PEBP1: variants seen among roughly 807,000 people sequenced by gnomAD.
The protein encoded by PEBP1 is phosphatidylethanolamine-binding protein 1.
Under a neutral mutation model 22.7 loss-of-function variants are expected in PEBP1, and 17 were observed. That is an observed-to-expected ratio of 0.75 (90% confidence interval 0.51 to 1.12). The LOEUF is 1.12. Among genes scored for constraint, PEBP1 ranks in the 50% most tolerant of loss-of-function variants. PEBP1 has a pLI of 0.00. For synonymous variants in PEBP1, 106 were observed against 104.3 expected (o/e 1.02, Z -0.10); for missense variants, 205 against 243.5 (o/e 0.84, Z 1.05).
At chr12:118,144,042 T>C (rs1376957330) in intron 3 of PEBP1, among the ~76,000 whole-genome samples, 2 of 152,218 alleles carry the variant, frequency 1.3e-5, no homozygotes. Flanking sequence ...CCTCCAGTTT[T>C]CTAAGCAAGT....
In PEBP1 at chr12:118,138,064, C is replaced by T. The variant is rs373019765; in HGVS notation, c.161C>T (p.Ser54Leu). The T allele has an allele frequency of 5.0e-5, 80 of 1,613,188 alleles. No individual in the cohort carries two copies. The highest frequency in any genetic ancestry group is 2.7e-4 in the African/African-American group (20 of 74,854). The change falls in exon 2 of 4, where the codon TCG (serine) becomes TTG (leucine). Residue 54 changes from serine (S) to leucine (L), a missense_variant. Physicochemically the swap from Ser to Leu is moderately radical, Grantham distance 145. Transcript: ENST00000261313. ...TQVKNRPTSI[S>L]WDGLDSGKLY... ...GTTAAGAATAGACCCACCAGCATTT[C>T]GTGGGATGGTCTTGATTCAGGGAAG...
chr12:118,137,946 C>T (rs1016112613), intron 1 of PEBP1, 93 bp from the exon 2 acceptor site: 3 of 827,588 alleles, frequency 3.6e-6, no homozygotes, highest in Admixed American at 2.0e-5. Flanking sequence ...CTAGGCCTCC[C>T]AAAGTGCTGG....
chr12:118,139,491 G>A lies in PEBP1; in HGVS notation c.286G>A (p.Asp96Asn), dbSNP rs2034096191. 1 of 1,613,320 alleles carries A rather than the reference G, an allele frequency of 6.2e-7. No homozygotes were observed. The highest frequency in any genetic ancestry group is 8.5e-7 in the Non-Finnish European group (1 of 1,179,774). Residue 96 changes from aspartate to asparagine, a missense_variant, in exon 3 of 4, where the codon GAC becomes AAC. Asp to Asn is a conservative substitution (Grantham distance 23). Transcript: ENST00000261313. ...HFLVVNMKGN[D>N]ISSGTVLSDY... ...CCTGGTGGTCAACATGAAGGGCAAT[G>A]ACATCAGCAGTGGCACAGTCCTCTC...
Position 118,145,082 on chromosome 12 carries a change from C to A in PEBP1, c.*279C>A. On this transcript the variant is annotated 3_prime_UTR_variant, in exon 4 of 4. Transcript: ENST00000261313. ...AATTATTAATCTGAAAATAGCAACCCAGAATGTAAAAAAGAAAAAACTGGG... is the reference window on the plus strand; with the variant it reads ...AATTATTAATCTGAAAATAGCAACCAAGAATGTAAAAAAGAAAAAACTGGG... 1 of 1,232,194 alleles carries A rather than the reference C, an allele frequency of 8.1e-7. No individual in the cohort carries two copies. Among genetic ancestry groups the A allele is most frequent in the Non-Finnish European group, 1.1e-6 (1 of 921,954 alleles). 76.3% of individuals were successfully genotyped at this position (1,232,194 alleles called of 1,614,324 possible).
Position 118,144,702 on chromosome 12 carries a change from C to T in PEBP1, c.463C>T (p.Arg155Cys), listed in dbSNP as rs11554101. 6.8e-6 allele frequency: 11 copies of T among 1,613,962 alleles called. No individual in the cohort carries two copies. The highest frequency in any genetic ancestry group is 3.3e-5 in the South Asian group (3 of 91,088). Residue 155 changes from arginine (R) to cysteine (C), a missense_variant, in exon 4 of 4, where the codon CGT (arginine) becomes TGT (cysteine). Coordinates refer to ENST00000261313, the MANE Select transcript of PEBP1 (RefSeq NM_002567.4). ...HRGKFKVASF[R>C]KKYELRAPVA... Reference sequence around the variant, plus strand: ...TGGCAAATTCAAGGTGGCGTCCTTCCGTAAAAAGTATGAGCTCAGGGCCCC... The same window carrying T: ...TGGCAAATTCAAGGTGGCGTCCTTCTGTAAAAAGTATGAGCTCAGGGCCCC...
At chr12:118,142,916 TGCAGG>T (rs2138088154) in intron 3 of PEBP1, among the ~76,000 whole-genome samples, 1 of 143,164 alleles carries the variant, frequency 7.0e-6, no homozygotes, top group South Asian at 2.4e-4. Context: ...TTCAGCTCAC[TGCAGG>T]GCTCAGCTCA....
intron 3 of PEBP1, among the ~76,000 whole-genome samples, chr12:118,143,077 C>T (rs1354792681): frequency 1.3e-5 from 2 of 151,938 alleles, no homozygotes; most frequent in Non-Finnish European, 2.9e-5. Context: ...TCAAATTCCT[C>T]CTGGGCTCAG....
rs1388511575 is a variant in PEBP1 at position 118,136,341 on chromosome 12, C to T, written c.132C>T (p.Thr44=). 7 of 1,540,370 alleles carry T rather than the reference C, an allele frequency of 4.5e-6. No individual in the cohort carries two copies. Among genetic ancestry groups the T allele is most frequent in the Non-Finnish European group, 5.2e-6 (6 of 1,145,736 alleles). The change falls in exon 1 of 4, where the codon ACC becomes ACT. Residue 44 remains threonine, a synonymous_variant. Coordinates refer to ENST00000261313, the MANE Select transcript of PEBP1 (RefSeq NM_002567.4). This position sits in a 1 kb window ranked among gnomAD's most constrained non-coding sequence, Gnocchi z 5.6. The stretch of plus-strand genomic sequence containing the variant: ...AGCTGGGCAAAGTGCTGACGCCCAC[C>T]CAGGTACACCGGGCGGCGGGCGTGC... ...VDELGKVLTP[T]QVKNRPTSIS...
chr12:118,137,106 C>T (rs376251226), intron 1 of PEBP1, among the ~76,000 whole-genome samples: 1 of 152,166 alleles, frequency 6.6e-6, no homozygotes, highest in African/African-American at 2.4e-5. Context: ...GCTCCCTGCC[C>T]GCCTCTCATC....
At position 118,144,820 on chromosome 12, in the gene PEBP1, C is replaced by T; in HGVS notation, c.*17C>T. The T allele has an allele frequency of 1.2e-6, 2 of 1,613,484 alleles. No individual in the cohort carries two copies. Among genetic ancestry groups the T allele is most frequent in the Non-Finnish European group, 8.5e-7 (1 of 1,180,012 alleles). On this transcript the variant is annotated 3_prime_UTR_variant, in exon 4 of 4. Coordinates refer to ENST00000261313, the MANE Select transcript of PEBP1 (RefSeq NM_002567.4). Reference sequence around the variant, plus strand: ...GGGAAGTAGGGGGTTAGCTTGGGGACCTGAACTGTCCTGGAGGCCCCAAGC... The same window carrying T: ...GGGAAGTAGGGGGTTAGCTTGGGGATCTGAACTGTCCTGGAGGCCCCAAGC...
intron 2 of PEBP1, chr12:118,139,133 T>G (rs2034092496): frequency 3.2e-6 from 1 of 313,476 alleles, no homozygotes; most frequent in African/African-American, 2.2e-5. Flanking sequence ...GCCAACATGG[T>G]GAAACCCCGT....
intron 3 of PEBP1, among the ~76,000 whole-genome samples, chr12:118,140,711 T>G (rs1367686490): frequency 1.3e-5 from 2 of 152,068 alleles, no homozygotes; most frequent in African/African-American, 4.8e-5. Context: ...GCTAATTTTA[T>G]GCATTTTTAG....
Position 118,136,617 on chromosome 12 carries a change from A to G in PEBP1, c.135+273A>G, listed in dbSNP as rs1445460250. Among the ~76,000 whole-genome samples the G allele has an allele frequency of 6.6e-6, 1 of 152,158 alleles. No individual in the cohort carries two copies. Among genetic ancestry groups the G allele is most frequent in the Non-Finnish European group, 1.5e-5 (1 of 68,032 alleles). On this transcript the variant is annotated intron_variant, in intron 1 of 3. Coordinates refer to ENST00000261313, the MANE Select transcript of PEBP1 (RefSeq NM_002567.4). The surrounding 1 kb of genome is among the most constrained non-coding windows in gnomAD (Gnocchi z 5.6). ...CGGGCTTCAGACCCAAGAGGGACCTAGGTTCGGAAACAGGCCGGATCCCCC... is the reference window on the plus strand; with the variant it reads ...CGGGCTTCAGACCCAAGAGGGACCTGGGTTCGGAAACAGGCCGGATCCCCC...
chr12:118,144,388 A>C (rs2034138387), intron 3 of PEBP1, among the ~76,000 whole-genome samples, 198 bp from the exon 4 acceptor site: 1 of 152,154 alleles, frequency 6.6e-6, no homozygotes, highest in Non-Finnish European at 1.5e-5. Flanking sequence ...ATGCAAAAGT[A>C]ATTGCGGTTT....
At chr12:118,139,081 G>A (rs2034091961) in intron 2 of PEBP1, 1 of 239,514 alleles carries the variant, frequency 4.2e-6, no homozygotes, top group Non-Finnish European at 8.3e-6. Flanking sequence ...TTGGGAGGCC[G>A]AGTCGGGGGG....
chr12:118,140,887 G>GT (rs1303739783), intron 3 of PEBP1, among the ~76,000 whole-genome samples: 2 of 152,026 alleles, frequency 1.3e-5, no homozygotes, highest in Non-Finnish European at 2.9e-5. Context: ...TTTTCTTGTT[G>GT]TTTTTTCCAT....
intron 3 of PEBP1, among the ~76,000 whole-genome samples, chr12:118,141,487 A>G (rs1720245982): frequency 6.6e-6 from 1 of 151,824 alleles, no homozygotes; most frequent in Non-Finnish European, 1.5e-5. Context: ...TAATCCCAGC[A>G]TGTTGGGAGG....
Position 118,136,599 on chromosome 12 carries a change from C to T in PEBP1, c.135+255C>T, listed in dbSNP as rs552285107. Among the ~76,000 whole-genome samples, 2 of 152,346 alleles carry T rather than the reference C, an allele frequency of 1.3e-5. No individual in the cohort carries two copies. The highest frequency in any genetic ancestry group is 4.1e-4 in the South Asian group (2 of 4,832). Reference sequence around the variant, plus strand: ...AAATTCATTCACTTTTCCCGGGCTTCAGACCCAAGAGGGACCTAGGTTCGG... The same window carrying T: ...AAATTCATTCACTTTTCCCGGGCTTTAGACCCAAGAGGGACCTAGGTTCGG... On this transcript the variant is annotated intron_variant, in intron 1 of 3. Coordinates refer to ENST00000261313, the MANE Select transcript of PEBP1 (RefSeq NM_002567.4). The surrounding 1 kb of genome is among the most constrained non-coding windows in gnomAD (Gnocchi z 5.6).
At chr12:118,142,373 AGT>A (rs1448027146) in intron 3 of PEBP1, among the ~76,000 whole-genome samples, 1 of 151,458 alleles carries the variant, frequency 6.6e-6, no homozygotes, top group Non-Finnish European at 1.5e-5. Flanking sequence ...TTTTACTTTT[AGT>A]AGAGACAGGG....
Sources: allele counts gnomAD v4.1 joint callset (sites outside exome capture counted in the v4.1 genomes callset), GRCh38; gene constraint gnomAD v4.1.1; non-coding constraint Gnocchi (gnomAD v3.1); transcripts MANE v1.5; gene names NCBI Gene and HGNC (gene_info 2026-07-23, HGNC 2026-07-21).